The following PLXNB2 variants were observed in gnomAD, a reference collection of about 807,000 sequenced individuals.
PLXNB2 encodes plexin-B2.
A neutral mutation model predicts 202.6 loss-of-function variants in PLXNB2; 85 were observed. The ratio of observed to expected loss-of-function variants is 0.42; its 90% CI spans 0.35 to 0.50. PLXNB2 has a LOEUF of 0.50. PLXNB2 is among the 20% of genes least tolerant of loss of function. The pLI is 0.02. For missense variants in PLXNB2, 2,063 were observed against 2,586.2 expected (o/e 0.80, Z 4.39); for synonymous variants, 1,239 against 1,137.6 (o/e 1.09, Z -1.79).
chr22:50,277,543 GGA>G lies in PLXNB2; in HGVS notation c.5196+46_5196+47del, dbSNP rs761873155. On this transcript the variant is annotated intron_variant, in intron 33 of 36. Transcript: ENST00000359337. ...TCCCAACTCACAAGATGCCTCCTGG[GGA>G]CAGACCCAGGCCTCCCTGCCCCAGA... 12 of 1,511,636 alleles carry G rather than the reference GGA, an allele frequency of 7.9e-6. No individual in the cohort carries two copies. The African/African-American group carries it at 1.4e-4, about 18-fold the overall frequency. The allele number at this position is 1,511,636 out of a possible 1,614,324, so 93.6% of individuals were successfully genotyped here. A position where few individuals can be genotyped will look rare whatever the true frequency, so the allele number is the denominator to read the frequency against.
intron 33 of PLXNB2, among the ~76,000 whole-genome samples, chr22:50,277,256 G>A (rs1212236171): frequency 6.6e-6 from 1 of 151,304 alleles, no homozygotes; most frequent in Non-Finnish European, 1.5e-5. Flanking sequence ...AGCAGAGATC[G>A]CGCCACTGCA....
chr22:50,290,499 C>A lies in PLXNB2; in HGVS notation c.86G>T (p.Arg29Leu), dbSNP rs769625156. The A allele has an allele frequency of 1.2e-6, 2 of 1,612,796 alleles. No homozygotes were observed. The highest frequency in any genetic ancestry group is 1.7e-6 in the Non-Finnish European group (2 of 1,179,980). ...SLRPRKLDFF[R>L]SEKELNHLAV... The stretch of plus-strand genomic sequence containing the variant: ...CAGGTGGTTCAGCTCTTTCTCGCTG[C>A]GGAAGAAGTCCAGCTTGCGGGGCCT... The change falls in exon 3 of 37, where the codon CGC becomes CTC. Residue 29 changes from arginine (R) to leucine (L), a missense_variant. Transcript: ENST00000359337.
Position 50,280,929 on chromosome 22 carries a change from C to A in PLXNB2, c.3808G>T (p.Ala1270Ser). ...TTGTAGTCCAGCACGGGGATGCCGG[C>A]CTCGTGCACGTCGTTGGTCTGGTCC... ...MEDQTNDVHE[A>S]GIPVLDYKTY... The change falls in exon 24 of 37, where the codon GCC (alanine) becomes TCC (serine). Residue 1270 changes from alanine (A) to serine (S), a missense_variant. Transcript: ENST00000359337. 1 of 1,613,142 alleles carries A rather than the reference C, an allele frequency of 6.2e-7. No individual in the cohort carries two copies. The highest frequency in any genetic ancestry group is 8.5e-7 in the Non-Finnish European group (1 of 1,179,888).
In PLXNB2 at chr22:50,288,115, G is replaced by A. The variant is rs538258142; in HGVS notation, c.1381-78C>T. ...CGCAGACCCCAGATGTCCCCAGACC[G>A]CCAGCTTGACCCAGCTCTGTCCCGG... On this transcript the variant is annotated intron_variant, in intron 5 of 36. Coordinates refer to ENST00000359337, the MANE Select transcript of PLXNB2 (RefSeq NM_012401.4). This position sits in a 1 kb window ranked among gnomAD's most constrained non-coding sequence, Gnocchi z 5.0. 29 of 1,131,336 alleles carry A rather than the reference G, an allele frequency of 2.6e-5. No homozygotes were observed. In the East Asian group the frequency reaches 4.4e-4, roughly 17 times the overall value. 70.1% of individuals were successfully genotyped at this position (1,131,336 alleles called of 1,614,324 possible).
rs991433517 is a variant in PLXNB2 at position 50,286,647 on chromosome 22, A to G, written c.1763-360T>C. ...CCTTGGAGTCTGAGTGGGACCTGCC[A>G]GGTCCCTGCCCACGTCACTGCGTGG... On this transcript the variant is annotated intron_variant, in intron 8 of 36. Coordinates refer to ENST00000359337, the MANE Select transcript of PLXNB2 (RefSeq NM_012401.4). Among the ~76,000 whole-genome samples, 5 of 152,224 alleles carry G rather than the reference A, an allele frequency of 3.3e-5. No homozygotes were observed. The East Asian group carries it at 9.6e-4, about 29-fold the overall frequency.
At chr22:50,286,974 A>T in intron 8 of PLXNB2, 137 bp downstream of exon 8, 1 of 861,536 alleles carries the variant, frequency 1.2e-6, no homozygotes, top group Non-Finnish European at 1.6e-6. Flanking sequence ...GGCTTCATTC[A>T]GGCTGGGCCC....
intron 25 of PLXNB2, 106 bp downstream of exon 25, chr22:50,280,383 G>A: frequency 9.0e-7 from 1 of 1,106,710 alleles, no homozygotes; most frequent in Non-Finnish European, 1.2e-6. Context: ...GCTGGCACCT[G>A]CCGGCTCCTG....
intron 27 of PLXNB2, among the ~76,000 whole-genome samples, chr22:50,279,358 C>T (rs76461841): frequency 6.6e-6 from 1 of 152,224 alleles, no homozygotes; most frequent in African/African-American, 2.4e-5. Context: ...GAACCCTGGA[C>T]ACACCTGGTG....
At chr22:50,293,996 G>A (rs1230064572) in intron 2 of PLXNB2, among the ~76,000 whole-genome samples, 1 of 152,226 alleles carries the variant, frequency 6.6e-6, no homozygotes, top group Non-Finnish European at 1.5e-5. Context: ...CTGCCTTCTG[G>A]TTCCTGGACA....
At chr22:50,303,129 C>A (rs983276799) in intron 1 of PLXNB2, among the ~76,000 whole-genome samples, 2 of 152,042 alleles carry the variant, frequency 1.3e-5, no homozygotes, top group African/African-American at 2.4e-5. Flanking sequence ...GAGACCCCCC[C>A]ACACTCCTGC....
In PLXNB2 at chr22:50,284,034, C is replaced by A. The variant is rs1313270678; in HGVS notation, c.2264-44G>T. 2 of 1,521,504 alleles carry A rather than the reference C, an allele frequency of 1.3e-6. No homozygotes were observed. The highest frequency in any genetic ancestry group is 2.4e-5 in the South Asian group (2 of 81,994). 94.3% of individuals were successfully genotyped at this position (1,521,504 alleles called of 1,614,324 possible). A position where few individuals can be genotyped will look rare whatever the true frequency, so the allele number is the denominator to read the frequency against. On this transcript the variant is annotated intron_variant, in intron 13 of 36. Coordinates refer to ENST00000359337, the MANE Select transcript of PLXNB2 (RefSeq NM_012401.4). The surrounding 1 kb of genome is among the most constrained non-coding windows in gnomAD (Gnocchi z 8.0). The stretch of plus-strand genomic sequence containing the variant: ...TCAGTGGTCACCCCGTGCCTGCCCG[C>A]CCCCGACCTGCTCCCCACTGCGCCC...
chr22:50,284,903 C>T lies in PLXNB2; in HGVS notation c.2089-238G>A, dbSNP rs1014310347. The T allele has an allele frequency of 6.8e-5, 44 of 648,486 alleles. No individual in the cohort carries two copies. The African/African-American group carries it at 7.6e-4, about 11-fold the overall frequency. The allele number at this position is 648,486 out of a possible 1,614,324, so 40.2% of individuals were successfully genotyped here. On this transcript the variant is annotated intron_variant, in intron 11 of 36. Coordinates refer to ENST00000359337, the MANE Select transcript of PLXNB2 (RefSeq NM_012401.4). This position sits in a 1 kb window ranked among gnomAD's most constrained non-coding sequence, Gnocchi z 8.0. ...GGGTTTCCCACGGCCACCTCCACCA[C>T]TCATCCACACCTGAGAACATCGCCC...
chr22:50,276,803 TG>T, intron 34 of PLXNB2, 38 bp downstream of exon 34: 1 of 1,597,456 alleles, frequency 6.3e-7, no homozygotes, highest in South Asian at 1.1e-5. Flanking sequence ...GGGTCGAGGG[TG>T]GGCATGGGGG....
Position 50,297,361 on chromosome 22 carries a change from C to T in PLXNB2, c.-73-2583G>A, listed in dbSNP as rs1341923295. 6.6e-6 allele frequency among the ~76,000 whole-genome samples: 1 copy of T among 152,182 alleles called. No individual in the cohort carries two copies. Among genetic ancestry groups the T allele is most frequent in the Admixed American group, 6.5e-5 (1 of 15,290 alleles). On this transcript the variant is annotated intron_variant, in intron 1 of 36. Transcript: ENST00000359337. This position sits in a 1 kb window ranked among gnomAD's most constrained non-coding sequence, Gnocchi z 5.3. Reference sequence around the variant, plus strand: ...TCCCGCACGCCCTCGAACAACCTCCCCTGAGTGATCGATCCACTCAGGAAG... The same window carrying T: ...TCCCGCACGCCCTCGAACAACCTCCTCTGAGTGATCGATCCACTCAGGAAG...
chr22:50,277,367 C>T (rs765992487), intron 33 of PLXNB2, among the ~76,000 whole-genome samples: 1 of 152,156 alleles, frequency 6.6e-6, no homozygotes, highest in Non-Finnish European at 1.5e-5. Flanking sequence ...TGCTCGTGTG[C>T]TGTGGTGAGA....
At chr22:50,293,596 G>T (rs2067046163) in intron 2 of PLXNB2, among the ~76,000 whole-genome samples, 1 of 152,224 alleles carries the variant, frequency 6.6e-6, no homozygotes, top group African/African-American at 2.4e-5. Flanking sequence ...GGGAATGAAT[G>T]GAATGCGCCC....
chr22:50,282,564 G>T, intron 18 of PLXNB2, 147 bp downstream of exon 18: 1 of 693,014 alleles, frequency 1.4e-6, no homozygotes, highest in Non-Finnish European at 2.4e-6. Flanking sequence ...GGAGGAAGTG[G>T]ATCTGGAGTG....
chr22:50,289,456 C>T lies in PLXNB2; in HGVS notation c.1068+61G>A, dbSNP rs538923725. 2.7e-5 allele frequency: 41 copies of T among 1,501,090 alleles called. No homozygotes were observed. The South Asian group carries it at 3.0e-4, about 11-fold the overall frequency. The allele number at this position is 1,501,090 out of a possible 1,614,324, so 93.0% of individuals were successfully genotyped here. Reference sequence around the variant, plus strand: ...GCACCCTCCCCAGCAGGCTGGGACACGCAAACCCACGAACGGACGCCTGCA... The same window carrying T: ...GCACCCTCCCCAGCAGGCTGGGACATGCAAACCCACGAACGGACGCCTGCA... On this transcript the variant is annotated intron_variant, in intron 3 of 36. Coordinates refer to ENST00000359337, the MANE Select transcript of PLXNB2 (RefSeq NM_012401.4). The surrounding 1 kb of genome is among the most constrained non-coding windows in gnomAD (Gnocchi z 8.0).
Position 50,291,775 on chromosome 22 carries a change from C to G in PLXNB2, c.-13-1178G>C, listed in dbSNP as rs1157416253. ...CCCTCCTCATGCTCACAACCACCCC[C>G]ACTCCTGGGCCCACCATCATCTTCC... On this transcript the variant is annotated intron_variant, in intron 2 of 36. Coordinates refer to ENST00000359337, the MANE Select transcript of PLXNB2 (RefSeq NM_012401.4). The surrounding 1 kb of genome is among the most constrained non-coding windows in gnomAD (Gnocchi z 4.3). 6.6e-6 allele frequency among the ~76,000 whole-genome samples: 1 copy of G among 152,178 alleles called. No individual in the cohort carries two copies. Among genetic ancestry groups the G allele is most frequent in the Non-Finnish European group, 1.5e-5 (1 of 68,014 alleles).
Sources: gnomAD v4.1 joint callset for allele counts (sites outside exome capture counted in the v4.1 genomes callset) on GRCh38, gnomAD v4.1.1 for gene constraint, Gnocchi (gnomAD v3.1) non-coding constraint, MANE v1.5 for transcripts, NCBI Gene and HGNC (gene_info 2026-07-23, HGNC 2026-07-21) for gene names.